The following DCDC1 variants were observed in gnomAD, a reference collection of about 807,000 sequenced individuals.
DCDC1 encodes doublecortin domain-containing protein 1.
DCDC1 carries 200 observed loss-of-function variants against 178.3 expected under a neutral mutation model. That is an observed-to-expected ratio of 1.12 (90% CI 1.00 to 1.26). The LOEUF (loss-of-function observed/expected upper bound fraction) is 1.26, where lower values mean the gene tolerates loss of function less well. Among genes scored for constraint, DCDC1 ranks in the 50% most tolerant of loss-of-function variants. The pLI is 0.00. For synonymous variants in DCDC1, 690 were observed against 604.8 expected, an observed-to-expected ratio of 1.14 and a Z score of -2.07; for missense variants, 1,983 against 1,749.2, an observed-to-expected ratio of 1.13 and a Z score of -2.38.
chr11:31,085,265 T>C (rs1327488026), intron 17 of DCDC1, among the ~76,000 whole-genome samples: 1 of 152,000 alleles, frequency 6.6e-6, no homozygotes, highest in Admixed American at 6.6e-5. Context: ...TTGGTAAGTT[T>C]TGAAATATAT....
intron 1 of DCDC1, among the ~76,000 whole-genome samples, chr11:31,357,820 A>G (rs915541279): frequency 3.3e-5 from 5 of 151,808 alleles, no homozygotes; most frequent in South Asian, 2.1e-4. Flanking sequence ...CCAAATCATG[A>G]GTGAACTCCC....
intron 38 of DCDC1, among the ~76,000 whole-genome samples, chr11:30,872,639 C>T (rs1357073032): frequency 6.6e-6 from 1 of 152,056 alleles, no homozygotes; most frequent in Non-Finnish European, 1.5e-5. Flanking sequence ...CTGCCTGGTA[C>T]TCCGTTCCCT....
At position 30,909,103 on chromosome 11, in the gene DCDC1, T is replaced by A; in HGVS notation, c.3761A>T (p.Tyr1254Phe). The A allele has an allele frequency of 1.2e-6, 2 of 1,609,436 alleles. No homozygotes were observed. Among genetic ancestry groups the A allele is most frequent in the Non-Finnish European group, 1.7e-6 (2 of 1,176,972 alleles). ...YPVIVQKYKP[Y>F]NNGAANQKWH... ...CTTTTGATTGGCAGCTCCATTGTTGTACGGCTTATATTTCTGAAAAAAGAG... is the reference window on the plus strand; with the variant it reads ...CTTTTGATTGGCAGCTCCATTGTTGAACGGCTTATATTTCTGAAAAAAGAG... The change falls in exon 29 of 39, where the codon TAC becomes TTC. Residue 1254 changes from tyrosine to phenylalanine, a missense_variant. Transcript: ENST00000684477.
At chr11:31,049,488 C>T (rs1955094685) in intron 20 of DCDC1, among the ~76,000 whole-genome samples, 1 of 152,102 alleles carries the variant, frequency 6.6e-6, no homozygotes, top group Non-Finnish European at 1.5e-5. Flanking sequence ...TTGGGGGATT[C>T]AGGGGATCAT....
intron 1 of DCDC1, among the ~76,000 whole-genome samples, chr11:31,355,529 G>A (rs961345882): frequency 1.3e-5 from 2 of 151,980 alleles, no homozygotes; most frequent in African/African-American, 4.8e-5. Flanking sequence ...GAAAAAAAAT[G>A]TTTGGTTACT....
intron 1 of DCDC1, among the ~76,000 whole-genome samples, chr11:31,360,877 AT>A (rs1476894454): frequency 1.3e-5 from 2 of 152,210 alleles, no homozygotes; most frequent in Non-Finnish European, 2.9e-5. Flanking sequence ...GACCTACTCT[AT>A]AGATAAAGGA....
At chr11:30,963,767 T>A (rs1949258700) in intron 20 of DCDC1, among the ~76,000 whole-genome samples, 1 of 152,024 alleles carries the variant, frequency 6.6e-6, no homozygotes, top group African/African-American at 2.4e-5. Context: ...TGTTTTGGAG[T>A]CTCTTTGCCA....
intron 2 of DCDC1, 85 bp from the exon 3 acceptor site, chr11:31,328,371 A>C: frequency 2.3e-6 from 3 of 1,323,116 alleles, no homozygotes; most frequent in Non-Finnish European, 3.0e-6. Flanking sequence ...AACACAACTT[A>C]CTTGTCATCA....
intron 7 of DCDC1, among the ~76,000 whole-genome samples, chr11:31,282,569 C>T (rs1946526239): frequency 6.6e-6 from 1 of 151,966 alleles, no homozygotes; most frequent in South Asian, 2.1e-4. Context: ...AGGAAACATA[C>T]TTAAAATAAT....
chr11:30,882,671 G>T (rs898027310), intron 36 of DCDC1: 1 of 151,980 alleles, frequency 6.6e-6, no homozygotes, highest in Non-Finnish European at 1.5e-5. Context: ...TCACCAAAGA[G>T]AACTAACCTA....
chr11:31,233,913 G>A (rs1976133527), intron 9 of DCDC1, among the ~76,000 whole-genome samples: 1 of 152,180 alleles, frequency 6.6e-6, no homozygotes, highest in African/African-American at 2.4e-5. Context: ...AATGTGGCTA[G>A]TGAGACTGAG....
At chr11:30,895,687 A>G (rs1455499325) in intron 34 of DCDC1, among the ~76,000 whole-genome samples, 2 of 152,330 alleles carry the variant, frequency 1.3e-5, no homozygotes, top group African/African-American at 4.8e-5. Flanking sequence ...CAATTTATGG[A>G]TGTGAAGAAA....
chr11:31,245,062 C>T (rs1565489731), intron 8 of DCDC1, among the ~76,000 whole-genome samples: 1 of 151,552 alleles, frequency 6.6e-6, no homozygotes, highest in African/African-American at 2.4e-5. Flanking sequence ...CATTTCCTCC[C>T]CTCTTTCCCC....
At chr11:30,931,988 A>T (rs1379036013) in intron 21 of DCDC1, 36 bp from the exon 22 acceptor site, 1 of 1,566,306 alleles carries the variant, frequency 6.4e-7, no homozygotes, top group Non-Finnish European at 8.6e-7. Flanking sequence ...AATAATAAAT[A>T]CAGAAGAAGG....
intron 20 of DCDC1, among the ~76,000 whole-genome samples, chr11:30,989,296 T>C (rs1950841628): frequency 1.3e-5 from 2 of 152,164 alleles, no homozygotes; most frequent in South Asian, 4.1e-4. Flanking sequence ...GTTTACATAG[T>C]ACAGAGGGAG....
At chr11:30,868,119 G>A (rs1005014056) in intron 38 of DCDC1, among the ~76,000 whole-genome samples, 1 of 152,022 alleles carries the variant, frequency 6.6e-6, no homozygotes, top group Non-Finnish European at 1.5e-5. Flanking sequence ...TGGCTTTAGT[G>A]GAATCAAGAT....
chr11:31,125,054 A>G (rs1244467858), intron 11 of DCDC1, among the ~76,000 whole-genome samples: 1 of 152,138 alleles, frequency 6.6e-6, no homozygotes, highest in Non-Finnish European at 1.5e-5. Flanking sequence ...AATATCCACA[A>G]TTTACATGGA....
intron 21 of DCDC1, among the ~76,000 whole-genome samples, chr11:30,932,575 C>T (rs1323222945): frequency 3.9e-5 from 6 of 152,224 alleles, no homozygotes; most frequent in Admixed American, 2.0e-4. Context: ...CTATGAACCA[C>T]ACAAGATACT....
intron 17 of DCDC1, among the ~76,000 whole-genome samples, chr11:31,085,062 T>C (rs1003297351): frequency 9.2e-5 from 14 of 151,824 alleles, no homozygotes; most frequent in Non-Finnish European, 1.8e-4. Flanking sequence ...ACCTAGGCCA[T>C]TGATGAACTA....
Sources: gnomAD v4.1 joint callset for allele counts (sites outside exome capture counted in the v4.1 genomes callset) on GRCh38, gnomAD v4.1.1 for gene constraint, MANE v1.5 for transcripts, NCBI Gene and HGNC (gene_info 2026-07-23, HGNC 2026-07-21) for gene names.